DCC: variants seen among roughly 807,000 people sequenced by gnomAD.
DCC encodes netrin receptor DCC.
A neutral mutation model predicts 172.5 loss-of-function variants in DCC; 58 were observed. The ratio of observed to expected loss-of-function variants is 0.34; its 90% confidence interval spans 0.27 to 0.42. The LOEUF is 0.42. DCC is among the 10% of genes least tolerant of loss of function. DCC has a pLI of 1.00. For synonymous variants in DCC, 709 were observed against 644.5 expected, an observed-to-expected ratio of 1.10 and a Z score of -1.52; for missense variants, 1,740 against 1,791.0, an observed-to-expected ratio of 0.97 and a Z score of 0.51.
intron 22 of DCC, among the ~76,000 whole-genome samples, chr18:53,446,004 G>A (rs1292990523): frequency 6.8e-6 from 1 of 147,170 alleles, no homozygotes; most frequent in Non-Finnish European, 1.5e-5. Context: ...GTTCATGCCT[G>A]TAATCCCAGC....
chr18:53,348,117 C>G (rs2057745973), intron 15 of DCC, among the ~76,000 whole-genome samples: 1 of 152,178 alleles, frequency 6.6e-6, no homozygotes, highest in Non-Finnish European at 1.5e-5. Context: ...AGTCCAATGT[C>G]TCATCTGACA....
chr18:52,814,256 T>G (rs1598830046), intron 2 of DCC, among the ~76,000 whole-genome samples: 1 of 152,168 alleles, frequency 6.6e-6, no homozygotes, highest in Admixed American at 6.5e-5. Flanking sequence ...AACAAAATAT[T>G]GGGAGCCAGC....
intron 15 of DCC, among the ~76,000 whole-genome samples, chr18:53,371,643 T>C (rs2058060970): frequency 6.6e-6 from 1 of 151,986 alleles, no homozygotes; most frequent in Admixed American, 6.6e-5. Context: ...TAATGAATTG[T>C]TATGAGAAGT....
At chr18:52,928,324 C>T (rs1028327810) in intron 5 of DCC, among the ~76,000 whole-genome samples, 3 of 152,066 alleles carry the variant, frequency 2.0e-5, no homozygotes, top group African/African-American at 7.2e-5. Context: ...AACCAAAAAA[C>T]TATCGAGCAC....
chr18:52,861,994 C>G (rs1311999136), intron 2 of DCC, among the ~76,000 whole-genome samples: 4 of 152,036 alleles, frequency 2.6e-5, no homozygotes, highest in Non-Finnish European at 4.4e-5. Context: ...GACAAGGAAA[C>G]TTTGTTGTAT....
chr18:52,368,807 C>G (rs1984989166), intron 1 of DCC, among the ~76,000 whole-genome samples: 1 of 152,134 alleles, frequency 6.6e-6, no homozygotes, highest in Non-Finnish European at 1.5e-5. Context: ...CACTGTGTTG[C>G]CCAGACATTA....
At chr18:53,235,763 T>C (rs983122982) in intron 12 of DCC, among the ~76,000 whole-genome samples, 22 of 152,134 alleles carry the variant, frequency 1.4e-4, no homozygotes, top group Admixed American at 1.4e-3. Flanking sequence ...TACACCTCTT[T>C]AACAATACAT....
chr18:52,341,466 G>A (rs1983632534), intron 1 of DCC, among the ~76,000 whole-genome samples: 1 of 152,204 alleles, frequency 6.6e-6, no homozygotes, highest in Non-Finnish European at 1.5e-5. Context: ...TTGCCAAGGA[G>A]GAGGGGAGGT....
chr18:52,879,412 C>CCTTTT (rs2039447955), intron 2 of DCC, among the ~76,000 whole-genome samples: 1 of 62,354 alleles, frequency 1.6e-5, no homozygotes, highest in African/African-American at 6.9e-5. Context: ...TGTTGTTTGG[C>CCTTTT]TTTTTTTTTT....
At chr18:53,287,156 A>C (rs1381747730) in intron 12 of DCC, among the ~76,000 whole-genome samples, 4 of 152,124 alleles carry the variant, frequency 2.6e-5, no homozygotes, top group Non-Finnish European at 5.9e-5. Flanking sequence ...CCCTCAACCC[A>C]TCAGAGGCAA....
intron 1 of DCC, among the ~76,000 whole-genome samples, chr18:52,694,971 C>A (rs2035988983): frequency 6.6e-6 from 1 of 152,144 alleles, no homozygotes. Flanking sequence ...CACAGTGACA[C>A]CTTCTGGGGG....
chr18:53,189,342 A>G (rs1382153134), intron 9 of DCC, among the ~76,000 whole-genome samples: 2 of 152,118 alleles, frequency 1.3e-5, no homozygotes, highest in African/African-American at 4.8e-5. Context: ...GTCAAACAGT[A>G]GAAATCCAAA....
chr18:53,160,917 C>T (rs796670185), intron 8 of DCC, among the ~76,000 whole-genome samples: 31 of 152,268 alleles, frequency 2.0e-4, no homozygotes, highest in African/African-American at 7.2e-4. Flanking sequence ...TGCCTGTACT[C>T]TTTAAAGCGA....
chr18:52,903,045 G>A (rs1009419726), intron 2 of DCC, among the ~76,000 whole-genome samples: 4 of 152,024 alleles, frequency 2.6e-5, no homozygotes, highest in Admixed American at 6.6e-5. Context: ...CCTTTGTATC[G>A]AATTCTTCCA....
chr18:53,289,728 G>C (rs2056979928), intron 12 of DCC, among the ~76,000 whole-genome samples: 1 of 152,048 alleles, frequency 6.6e-6, no homozygotes, highest in Non-Finnish European at 1.5e-5. Context: ...ATGTAATTTT[G>C]AGACTGCTGA....
chr18:52,410,088 C>A (rs1986793592), intron 1 of DCC, among the ~76,000 whole-genome samples: 1 of 152,184 alleles, frequency 6.6e-6, no homozygotes, highest in South Asian at 2.1e-4. Flanking sequence ...ATGTAGGATA[C>A]CTGACAATGA....
rs547632884 is a variant in DCC, at chr18:53,079,641, T to A, written c.1261+13475T>A. ...ATCCCAGGAATATTTAAGTGCAAGATATAGGGGTAAGAAAAAGGAGATAGC... is the reference window on the plus strand; with the variant it reads ...ATCCCAGGAATATTTAAGTGCAAGAAATAGGGGTAAGAAAAAGGAGATAGC... On this transcript the variant is annotated intron_variant, in intron 7 of 28. Transcript: ENST00000442544. Among the ~76,000 whole-genome samples, 7 of 152,220 alleles carry A rather than the reference T, an allele frequency of 4.6e-5. No homozygotes were observed. In the East Asian group the frequency reaches 1.4e-3, roughly 29 times the overall value.
In DCC at chr18:53,062,203, T is replaced by G. The variant is rs138621078; in HGVS notation, c.986-1102T>G. ...AAAATCAGGACTTAAATCCTGAGAGTTTTTACCAGCTCTTTTATTTTTCTA... is the reference window on the plus strand; with the variant it reads ...AAAATCAGGACTTAAATCCTGAGAGGTTTTACCAGCTCTTTTATTTTTCTA... On this transcript the variant is annotated intron_variant, in intron 5 of 28. Coordinates refer to ENST00000442544, the MANE Select transcript of DCC (RefSeq NM_005215.4). Among the ~76,000 whole-genome samples, 7 of 151,318 alleles carry G rather than the reference T, an allele frequency of 4.6e-5. No homozygotes were observed. In the East Asian group the frequency reaches 7.8e-4, roughly 17 times the overall value.
chr18:52,894,112 C>A (rs988699368), intron 2 of DCC, among the ~76,000 whole-genome samples: 4 of 152,080 alleles, frequency 2.6e-5, no homozygotes, highest in African/African-American at 9.7e-5. Flanking sequence ...ATTCTTTATT[C>A]CAGACCCAGC....
Sources: allele counts gnomAD v4.1 joint callset (sites outside exome capture counted in the v4.1 genomes callset), GRCh38; gene constraint gnomAD v4.1.1; transcripts MANE v1.5; gene names NCBI Gene and HGNC (gene_info 2026-07-23, HGNC 2026-07-21).